The following GRK5 variants were observed in gnomAD, a reference collection of about 807,000 sequenced individuals.
GRK5 encodes g protein-coupled receptor kinase GRK5.
Under a neutral mutation model 78.4 loss-of-function variants are expected in GRK5, and 40 were observed. The ratio of observed to expected loss-of-function variants is 0.51; its 90% confidence interval spans 0.40 to 0.66. GRK5 has a LOEUF of 0.66. Among genes scored for constraint, GRK5 ranks in the 30% least tolerant of loss-of-function variants. GRK5 has a pLI of 0.00. For missense variants in GRK5, 598 were observed against 759.9 expected, an observed-to-expected ratio of 0.79 and a Z score of 2.50; for synonymous variants, 289 against 296.8, an observed-to-expected ratio of 0.97 and a Z score of 0.27.
chr10:119,428,949 C>T (rs1852757936), intron 6 of GRK5, among the ~76,000 whole-genome samples: 1 of 152,262 alleles, frequency 6.6e-6, no homozygotes, highest in Non-Finnish European at 1.5e-5. Flanking sequence ...TGTCAACCAA[C>T]CGTTTCTCCT....
chr10:119,353,634 G>T (rs534937796), intron 2 of GRK5, among the ~76,000 whole-genome samples: 1 of 152,176 alleles, frequency 6.6e-6, no homozygotes, highest in Non-Finnish European at 1.5e-5. Flanking sequence ...GGCAGCAAAG[G>T]CTGGGTGGAG....
At chr10:119,315,626 G>C (rs141909154) in intron 1 of GRK5, among the ~76,000 whole-genome samples, 27 of 152,342 alleles carry the variant, frequency 1.8e-4, no homozygotes, top group Non-Finnish European at 3.4e-4. Flanking sequence ...AGCCCTGCTG[G>C]CAGCACAGTG....
In GRK5 at chr10:119,453,098, G is replaced by T. The variant is rs1410486806; in HGVS notation, c.1543-47G>T. The T allele has an allele frequency of 3.2e-6, 4 of 1,261,704 alleles. No homozygotes were observed. In the Admixed American group the frequency reaches 6.7e-5, roughly 21 times the overall value. 78.2% of individuals were successfully genotyped at this position (1,261,704 alleles called of 1,614,324 possible). ...CAGTGGCTTTGCTGCTGGGCTTCCTGACTGCCCCAGTTGACGGCCTGTGTT... is the reference window on the plus strand; with the variant it reads ...CAGTGGCTTTGCTGCTGGGCTTCCTTACTGCCCCAGTTGACGGCCTGTGTT... On this transcript the variant is annotated intron_variant, in intron 14 of 15. Transcript: ENST00000392870.
At chr10:119,215,360 A>G (rs1848554554) in intron 1 of GRK5, among the ~76,000 whole-genome samples, 1 of 151,978 alleles carries the variant, frequency 6.6e-6, no homozygotes, top group Non-Finnish European at 1.5e-5. Context: ...TGATAACCCC[A>G]TGACTTCTGA....
chr10:119,419,963 T>A (rs1210164637), intron 4 of GRK5, among the ~76,000 whole-genome samples: 3 of 152,078 alleles, frequency 2.0e-5, no homozygotes, highest in Non-Finnish European at 4.4e-5. Context: ...GGTCAGACCT[T>A]ATGGGTCCTG....
At position 119,454,668 on chromosome 10, in the gene GRK5, G is replaced by A. The variant is rs115529759; in HGVS notation, c.1675-301G>A. On this transcript the variant is annotated intron_variant, in intron 15 of 15. Coordinates refer to ENST00000392870, the MANE Select transcript of GRK5 (RefSeq NM_005308.3). ...AATTGCATGCCCAAGGCCACTCTGCGAGGGAGGGGAAGACTGAGAATTCCA... is the reference window on the plus strand; with the variant it reads ...AATTGCATGCCCAAGGCCACTCTGCAAGGGAGGGGAAGACTGAGAATTCCA... 2.9e-3 allele frequency among the ~76,000 whole-genome samples: 447 copies of A among 152,300 alleles called. 1 individual carries two copies. The highest frequency in any genetic ancestry group is 0.01 in the African/African-American group (418 of 41,562).
intron 2 of GRK5, among the ~76,000 whole-genome samples, chr10:119,367,632 A>C (rs1851470180): frequency 6.6e-6 from 1 of 152,248 alleles, no homozygotes; most frequent in Non-Finnish European, 1.5e-5. Context: ...AATGACAGCC[A>C]AAGGGCAGTA....
intron 1 of GRK5, among the ~76,000 whole-genome samples, chr10:119,313,035 GTGA>G (rs1311923736): frequency 2.5e-4 from 29 of 114,356 alleles, no homozygotes; most frequent in East Asian, 1.4e-3. Context: ...AATGGCAGTG[GTGA>G]TGGTGGTGGT....
intron 1 of GRK5, among the ~76,000 whole-genome samples, chr10:119,282,987 C>A (rs968574708): frequency 4.8e-4 from 73 of 152,296 alleles, no homozygotes; most frequent in African/African-American, 1.7e-3. Context: ...GGGGCCTGGT[C>A]CTGCTGCAGA....
intron 1 of GRK5, among the ~76,000 whole-genome samples, chr10:119,221,142 T>G (rs1848651265): frequency 6.6e-6 from 1 of 150,760 alleles, no homozygotes; most frequent in Admixed American, 6.6e-5. Context: ...AGGGACAAAG[T>G]AAAACTATAT....
chr10:119,395,676 G>A (rs550550342), intron 3 of GRK5, among the ~76,000 whole-genome samples: 12 of 152,286 alleles, frequency 7.9e-5, no homozygotes, highest in African/African-American at 2.9e-4. Context: ...TCAGATGTGA[G>A]CGAAGGAGCC....
At chr10:119,448,568 C>T (rs1433677667) in intron 13 of GRK5, among the ~76,000 whole-genome samples, 1 of 152,232 alleles carries the variant, frequency 6.6e-6, no homozygotes, top group African/African-American at 2.4e-5. Flanking sequence ...ACCAGTAACA[C>T]TCATGCCTCC....
chr10:119,288,088 T>C (rs754397416), intron 1 of GRK5, among the ~76,000 whole-genome samples: 16 of 152,216 alleles, frequency 1.1e-4, no homozygotes, highest in Non-Finnish European at 2.1e-4. Flanking sequence ...GCCGTGGGTG[T>C]GCAGTAATCA....
At chr10:119,209,333 G>C (rs1848442748) in intron 1 of GRK5, among the ~76,000 whole-genome samples, 1 of 152,078 alleles carries the variant, frequency 6.6e-6, no homozygotes, top group Non-Finnish European at 1.5e-5. Flanking sequence ...CAGAAGCCCC[G>C]AAGGGAGGCA....
rs1470626045 is a variant in GRK5 at position 119,281,995 on chromosome 10, T to C, written c.53-44521T>C. ...TTCTCATTGCCATTGGTGACCTCCC[T>C]CCTGGGCATCTGTCCCTTGCCCTCC... On this transcript the variant is annotated intron_variant, in intron 1 of 15. Coordinates refer to ENST00000392870, the MANE Select transcript of GRK5 (RefSeq NM_005308.3). 5.3e-5 allele frequency among the ~76,000 whole-genome samples: 8 copies of C among 152,298 alleles called. No individual in the cohort carries two copies. The South Asian group carries it at 1.2e-3, about 24-fold the overall frequency.
intron 1 of GRK5, among the ~76,000 whole-genome samples, chr10:119,262,465 A>C (rs906091142): frequency 1.3e-5 from 2 of 150,376 alleles, no homozygotes; most frequent in African/African-American, 4.9e-5. Flanking sequence ...CAGCCCCCCG[A>C]GTAGCTGGGA....
chr10:119,283,034 G>A (rs1849788583), intron 1 of GRK5, among the ~76,000 whole-genome samples: 1 of 152,172 alleles, frequency 6.6e-6, no homozygotes, highest in African/African-American at 2.4e-5. Flanking sequence ...GAGCTGATAA[G>A]GGGCCTGGCC....
intron 2 of GRK5, among the ~76,000 whole-genome samples, chr10:119,362,893 T>C (rs1477497063): frequency 1.3e-5 from 2 of 152,108 alleles, no homozygotes; most frequent in African/African-American, 4.8e-5. Context: ...CAGTTCCATT[T>C]AACCCCTTAT....
At chr10:119,395,053 G>T (rs921457714) in intron 3 of GRK5, among the ~76,000 whole-genome samples, 2 of 144,520 alleles carry the variant, frequency 1.4e-5, no homozygotes, top group African/African-American at 2.5e-5. Flanking sequence ...CTGCCCACGC[G>T]GCGCAGTGGG....
Sources: gnomAD v4.1 joint callset for allele counts (sites outside exome capture counted in the v4.1 genomes callset) on GRCh38, gnomAD v4.1.1 for gene constraint, MANE v1.5 for transcripts, NCBI Gene and HGNC (gene_info 2026-07-23, HGNC 2026-07-21) for gene names.